The following ALPK2 variants were observed in gnomAD, a reference collection of about 807,000 sequenced individuals.
ALPK2 encodes the protein alpha-protein kinase 2.
In ALPK2, 127 loss-of-function variants were observed where a neutral mutation model predicts 163.1. The observed-to-expected ratio is 0.78, with a 90% CI of 0.67 to 0.90. ALPK2 has a LOEUF of 0.90. ALPK2 is among the 40% of genes least tolerant of loss of function. The pLI is 0.00. For missense variants in ALPK2, 2,360 were observed against 2,589.6 expected (o/e 0.91, Z 1.92); for synonymous variants, 953 against 959.1 (o/e 0.99, Z 0.12).
At chr18:58,621,496 C>T (rs1243064417) in intron 1 of ALPK2, among the ~76,000 whole-genome samples, 2 of 152,162 alleles carry the variant, frequency 1.3e-5, no homozygotes, top group Non-Finnish European at 2.9e-5. Flanking sequence ...TGGTCTCGAT[C>T]TCCTGACATC....
At chr18:58,496,768 A>T (rs891295600) in intron 12 of ALPK2, among the ~76,000 whole-genome samples, 1 of 152,140 alleles carries the variant, frequency 6.6e-6, no homozygotes, top group African/African-American at 2.4e-5. Flanking sequence ...GGCCCTGGAG[A>T]GACTTTACTC....
chr18:58,516,407 C>G (rs1043266491), intron 9 of ALPK2, among the ~76,000 whole-genome samples: 3 of 152,182 alleles, frequency 2.0e-5, no homozygotes, highest in African/African-American at 7.2e-5. Context: ...ATATTTTATA[C>G]ACTACCATTA....
chr18:58,535,913 G>A lies in ALPK2; in HGVS notation c.4274C>T (p.Thr1425Ile), dbSNP rs1281322489. 1 of 1,614,034 alleles carries A rather than the reference G, an allele frequency of 6.2e-7. No homozygotes were observed. The highest frequency in any genetic ancestry group is 8.5e-7 in the Non-Finnish European group (1 of 1,180,028). ...TRAGKPEPSETTPQGAREGGQ... is the reference protein window; with the variant it reads ...TRAGKPEPSEITPQGAREGGQ... ...CCCTTCTCTGGCGCCCTGTGGTGTG[G>A]TTTCAGAGGGCTCTGGTTTTCCAGC... The change falls in exon 5 of 13, where the codon ACC becomes ATC. Residue 1425 changes from threonine to isoleucine, a missense_variant. Transcript: ENST00000361673.
intron 3 of ALPK2, among the ~76,000 whole-genome samples, chr18:58,591,627 G>A (rs144152153): frequency 1.2e-4 from 19 of 152,296 alleles, no homozygotes; most frequent in South Asian, 4.1e-4. Flanking sequence ...AGGAAAGATG[G>A]TGTGTGCCTG....
Position 58,537,715 on chromosome 18 carries a change from C to G in ALPK2, c.2472G>C (p.Gly824=), listed in dbSNP as rs1568079017. 1.2e-6 allele frequency: 2 copies of G among 1,614,118 alleles called. No individual in the cohort carries two copies. Among genetic ancestry groups the G allele is most frequent in the Admixed American group, 1.7e-5 (1 of 60,022 alleles). The change falls in exon 5 of 13, where the codon GGG becomes GGC. Residue 824 remains glycine, a synonymous_variant. Coordinates refer to ENST00000361673, the MANE Select transcript of ALPK2 (RefSeq NM_052947.4). ...GAGGCGAATATTTATCAACTGGTCT[C>G]CCAACAAGAGAATCTATGGTATCAA... ...TCFDTIDSLV[G]RPVDKYSPQE... is the part of the protein sequence containing the mutation.
At chr18:58,517,747 T>C (rs908004326) in intron 8 of ALPK2, among the ~76,000 whole-genome samples, 1 of 152,102 alleles carries the variant, frequency 6.6e-6, no homozygotes, top group African/African-American at 2.4e-5. Flanking sequence ...CAAGAACCAA[T>C]GTTGGTCCTC....
intron 4 of ALPK2, among the ~76,000 whole-genome samples, chr18:58,558,618 C>T (rs989628916): frequency 6.6e-6 from 1 of 152,162 alleles, no homozygotes; most frequent in Admixed American, 6.5e-5. Context: ...AAAATGATCT[C>T]GCACATAAAT....
chr18:58,539,481 T>C (rs2051678865), intron 4 of ALPK2, among the ~76,000 whole-genome samples: 1 of 152,244 alleles, frequency 6.6e-6, no homozygotes, highest in African/African-American at 2.4e-5. Context: ...ACTAAATCCT[T>C]GTCTCATGAA....
At chr18:58,513,811 C>T (rs928329925) in intron 10 of ALPK2, among the ~76,000 whole-genome samples, 5 of 152,098 alleles carry the variant, frequency 3.3e-5, no homozygotes, top group African/African-American at 1.2e-4. Flanking sequence ...GTCAAGGCTG[C>T]AGTGAGCCGT....
chr18:58,538,866 G>A (rs191053295), intron 4 of ALPK2, among the ~76,000 whole-genome samples: 8 of 152,106 alleles, frequency 5.3e-5, no homozygotes, highest in African/African-American at 1.4e-4. Flanking sequence ...TTACTTCCTC[G>A]TTGTTAAAAA....
chr18:58,547,414 C>G (rs1466749815), intron 4 of ALPK2, among the ~76,000 whole-genome samples: 2 of 152,244 alleles, frequency 1.3e-5, no homozygotes, highest in Non-Finnish European at 2.9e-5. Flanking sequence ...AACATGCACT[C>G]TCTGGATTCC....
intron 12 of ALPK2, among the ~76,000 whole-genome samples, chr18:58,493,381 G>C (rs953574358): frequency 6.6e-6 from 1 of 152,102 alleles, no homozygotes; most frequent in Non-Finnish European, 1.5e-5. Flanking sequence ...TATTCTCGGG[G>C]CGTGTTTCTT....
chr18:58,583,295 A>T (rs879414958), intron 3 of ALPK2, among the ~76,000 whole-genome samples: 2 of 152,062 alleles, frequency 1.3e-5, no homozygotes, highest in Non-Finnish European at 2.9e-5. Flanking sequence ...GTGGTCAGTT[A>T]TGCCTAAACT....
rs114237335 is a variant in ALPK2 at position 58,612,440 on chromosome 18, C to T, written c.-20-623G>A. Reference sequence around the variant, plus strand: ...GCCCTAGGGGAAGGCAGGCACTAAACACTTGATTAGTCACCAGATATATTA... The same window carrying T: ...GCCCTAGGGGAAGGCAGGCACTAAATACTTGATTAGTCACCAGATATATTA... On this transcript the variant is annotated intron_variant, in intron 1 of 12. Coordinates refer to ENST00000361673, the MANE Select transcript of ALPK2 (RefSeq NM_052947.4). 7.5e-3 allele frequency among the ~76,000 whole-genome samples: 1,136 copies of T among 152,348 alleles called. 11 individuals carry two copies. Among genetic ancestry groups the T allele is most frequent in the African/African-American group, 0.026 (1,095 of 41,570 alleles).
chr18:58,560,796 T>C (rs2051822065), intron 4 of ALPK2, among the ~76,000 whole-genome samples: 1 of 152,218 alleles, frequency 6.6e-6, no homozygotes, highest in South Asian at 2.1e-4. Context: ...CTTTGTTCCA[T>C]AGGGAAAAGA....
At chr18:58,493,703 C>T (rs1249901846) in intron 12 of ALPK2, among the ~76,000 whole-genome samples, 7 of 152,250 alleles carry the variant, frequency 4.6e-5, no homozygotes, top group African/African-American at 1.2e-4. Flanking sequence ...TCCAGGGTCT[C>T]GGGAATTTGG....
At chr18:58,498,397 T>G (rs578257982) in intron 11 of ALPK2, among the ~76,000 whole-genome samples, 1 of 152,202 alleles carries the variant, frequency 6.6e-6, no homozygotes, top group South Asian at 2.1e-4. Flanking sequence ...GGCCACTCTG[T>G]GAGAAAATCT....
At chr18:58,620,285 C>T (rs1301238596) in intron 1 of ALPK2, among the ~76,000 whole-genome samples, 1 of 152,106 alleles carries the variant, frequency 6.6e-6, no homozygotes, top group Non-Finnish European at 1.5e-5. Context: ...AGCGAAGCTC[C>T]TTCTCAAAAC....
intron 1 of ALPK2, among the ~76,000 whole-genome samples, chr18:58,619,615 A>T (rs1602242968): frequency 6.6e-6 from 1 of 152,340 alleles, no homozygotes; most frequent in Non-Finnish European, 1.5e-5. Context: ...AACTCCAAAA[A>T]CAGTTTTTAT....
Sources: gnomAD v4.1 joint callset for allele counts (sites outside exome capture counted in the v4.1 genomes callset) on GRCh38, gnomAD v4.1.1 for gene constraint, MANE v1.5 for transcripts, NCBI Gene and HGNC (gene_info 2026-07-23, HGNC 2026-07-21) for gene names.